Variants in CPED1 observed in about 807,000 individuals in gnomAD.
The protein encoded by CPED1 is cadherin like and PC-esterase domain containing 1.
A neutral mutation model predicts 128.2 loss-of-function variants in CPED1; 114 were observed. The ratio of observed to expected loss-of-function variants is 0.89; its 90% CI spans 0.76 to 1.04. The LOEUF is 1.04. Ranked by LOEUF, CPED1 falls within the 50% of genes least tolerant of loss-of-function variation. The pLI is 0.00. For missense variants in CPED1, 1,211 were observed against 1,207.1 expected, an observed-to-expected ratio of 1.00 and a Z score of -0.05; for synonymous variants, 462 against 426.7, an observed-to-expected ratio of 1.08 and a Z score of -1.02.
intron 10 of CPED1, 69 bp downstream of exon 10, chr7:121,127,326 T>C (rs1426922564): frequency 3.1e-6 from 3 of 968,928 alleles, no homozygotes; most frequent in Non-Finnish European, 4.6e-6. Flanking sequence ...ATTCTCCTTA[T>C]TCTGCAATTC....
At chr7:121,047,821 C>T (rs561900751) in intron 4 of CPED1, among the ~76,000 whole-genome samples, 73 of 151,760 alleles carry the variant, frequency 4.8e-4, no homozygotes, top group South Asian at 2.9e-3. Context: ...CGCCATTCTC[C>T]TGCCTCAGCC....
intron 16 of CPED1, among the ~76,000 whole-genome samples, chr7:121,231,675 A>T (rs114480349): frequency 6.6e-6 from 1 of 152,220 alleles, no homozygotes; most frequent in East Asian, 1.9e-4. Context: ...TAAGTAAAAT[A>T]AAAAAAGGAA....
rs941446363 is a variant in CPED1, at chr7:121,063,601, A to T, written c.541-637A>T. 6.6e-5 allele frequency among the ~76,000 whole-genome samples: 10 copies of T among 152,284 alleles called. No homozygotes were observed. In the East Asian group the frequency reaches 1.9e-3, roughly 29 times the overall value. ...ATGAATCTGATTTTCAAGCTAATTT[A>T]TACTGATCTGTTGGTTTTAACAAGG... On this transcript the variant is annotated intron_variant, in intron 4 of 22. Coordinates refer to ENST00000310396, the MANE Select transcript of CPED1 (RefSeq NM_024913.5).
intron 16 of CPED1, among the ~76,000 whole-genome samples, chr7:121,182,851 G>A (rs1018179903): frequency 6.6e-6 from 1 of 152,054 alleles, no homozygotes; most frequent in Non-Finnish European, 1.5e-5. Flanking sequence ...CTTCTATGTA[G>A]CTTGAGGACC....
chr7:121,178,446 T>C (rs1670381811), intron 16 of CPED1, among the ~76,000 whole-genome samples: 1 of 151,996 alleles, frequency 6.6e-6, no homozygotes, highest in African/African-American at 2.4e-5. Flanking sequence ...TGTGCTGTAA[T>C]GTAGAGGTAA....
chr7:121,094,645 T>C (rs1794655992), intron 5 of CPED1, among the ~76,000 whole-genome samples: 1 of 152,176 alleles, frequency 6.6e-6, no homozygotes, highest in Non-Finnish European at 1.5e-5. Context: ...GGGATTTACA[T>C]TCTGGATTTT....
At chr7:121,131,784 C>G (rs1411196824) in intron 12 of CPED1, among the ~76,000 whole-genome samples, 1 of 151,924 alleles carries the variant, frequency 6.6e-6, no homozygotes, top group Non-Finnish European at 1.5e-5. Context: ...ACTCAGTTTT[C>G]TTATCTGCAA....
At chr7:121,194,998 G>A (rs1467914842) in intron 16 of CPED1, 1 of 152,104 alleles carries the variant, frequency 6.6e-6, no homozygotes, top group Non-Finnish European at 1.5e-5. Flanking sequence ...TTACACAGGG[G>A]CCATGTTAAT....
At chr7:121,048,292 A>G (rs147133293) in intron 4 of CPED1, among the ~76,000 whole-genome samples, 21 of 152,302 alleles carry the variant, frequency 1.4e-4, no homozygotes, top group Middle Eastern at 6.8e-3. Context: ...AAACTGACTC[A>G]TTCTTTTCCT....
chr7:121,156,476 A>G (rs534937357), intron 16 of CPED1, among the ~76,000 whole-genome samples: 13 of 152,334 alleles, frequency 8.5e-5, no homozygotes, highest in Non-Finnish European at 7.4e-5. Context: ...AAAACATGGT[A>G]TTATACACAA....
intron 16 of CPED1, among the ~76,000 whole-genome samples, chr7:121,234,136 C>T (rs1005455659): frequency 6.6e-6 from 1 of 151,088 alleles, no homozygotes; most frequent in Non-Finnish European, 1.5e-5. Flanking sequence ...ATGCTGGGCA[C>T]ATTACTCCAA....
intron 7 of CPED1, among the ~76,000 whole-genome samples, chr7:121,121,028 G>T (rs979315396): frequency 2.0e-5 from 3 of 150,176 alleles, no homozygotes; most frequent in Middle Eastern, 6.5e-3. Context: ...AGACAAGAAG[G>T]TTGGCAAGTT....
chr7:121,253,577 C>T (rs1798737983), intron 18 of CPED1, among the ~76,000 whole-genome samples: 1 of 152,020 alleles, frequency 6.6e-6, no homozygotes, highest in African/African-American at 2.4e-5. Flanking sequence ...TCTCACATAT[C>T]AATACTAACC....
intron 18 of CPED1, 113 bp downstream of exon 18, chr7:121,244,451 T>C (rs1798477556): frequency 1.9e-6 from 2 of 1,076,494 alleles, no homozygotes; most frequent in Non-Finnish European, 2.7e-6. Flanking sequence ...AGAGGAAAAC[T>C]AACTGAATGC....
At chr7:121,035,267 A>G (rs1284201332) in intron 3 of CPED1, among the ~76,000 whole-genome samples, 1 of 152,206 alleles carries the variant, frequency 6.6e-6, no homozygotes, top group Non-Finnish European at 1.5e-5. Flanking sequence ...TCTGTATTTT[A>G]AGAGAATAAC....
At chr7:121,261,594 C>A in intron 18 of CPED1, 1 of 1,596,876 alleles carries the variant, frequency 6.3e-7, no homozygotes, top group African/African-American at 1.3e-5. Flanking sequence ...AGCGCTGGCC[C>A]ATAGAAAACC....
At chr7:121,088,379 G>A (rs2116172564) in intron 5 of CPED1, among the ~76,000 whole-genome samples, 1 of 152,244 alleles carries the variant, frequency 6.6e-6, no homozygotes. Context: ...GTCATTTGAG[G>A]CCGGGCGCAG....
intron 16 of CPED1, among the ~76,000 whole-genome samples, chr7:121,223,922 T>C (rs1479796757): frequency 1.3e-5 from 2 of 152,014 alleles, no homozygotes; most frequent in Non-Finnish European, 1.5e-5. Flanking sequence ...TCTGGATTCA[T>C]TGATTTTTTT....
At chr7:121,132,624 T>C (rs1430680133) in intron 12 of CPED1, among the ~76,000 whole-genome samples, 1 of 152,086 alleles carries the variant, frequency 6.6e-6, no homozygotes. Flanking sequence ...TGGTGCACCA[T>C]GTGCTAATTT....
Sources: gnomAD v4.1 joint callset for allele counts (sites outside exome capture counted in the v4.1 genomes callset) on GRCh38, gnomAD v4.1.1 for gene constraint, MANE v1.5 for transcripts, NCBI Gene and HGNC (gene_info 2026-07-23, HGNC 2026-07-21) for gene names.